Variants in PHYKPL observed in about 807,000 individuals in gnomAD.
PHYKPL encodes the protein 5-phosphohydroxy-L-lysine phospho-lyase.
A neutral mutation model predicts 51.3 loss-of-function variants in PHYKPL; 42 were observed. The observed-to-expected ratio is 0.82, with a 90% CI of 0.64 to 1.06. PHYKPL has a LOEUF of 1.06. Ranked by LOEUF, PHYKPL falls within the 50% of genes least tolerant of loss-of-function variation. PHYKPL has a pLI of 0.00. For synonymous variants in PHYKPL, 264 were observed against 236.0 expected (o/e 1.12, Z -1.09); for missense variants, 655 against 586.6 (o/e 1.12, Z -1.20).
rs760765398 is a variant in PHYKPL at position 178,222,436 on chromosome 5, G to A, written c.846C>T (p.Asn282=). 4.2e-5 allele frequency: 68 copies of A among 1,614,142 alleles called. No homozygotes were observed. The highest frequency in any genetic ancestry group is 1.8e-4 in the Admixed American group (11 of 60,012). The part of the protein sequence containing the change: ...DIVTMGKSIG[N]GHPVACVAAT... ...CGGCCACGCAGGCAACAGGGTGGCCGTTGCCAATGGACTTGCCCATGGTGA... is the reference window on the plus strand; with the variant it reads ...CGGCCACGCAGGCAACAGGGTGGCCATTGCCAATGGACTTGCCCATGGTGA... Residue 282 remains asparagine, a synonymous_variant, in exon 8 of 13, where the codon AAC becomes AAT. Transcript: ENST00000308158.
In PHYKPL at chr5:178,224,752, G is replaced by A. The variant is rs757960371; in HGVS notation, c.414-23C>T. On this transcript the variant is annotated intron_variant, in intron 4 of 12. Transcript: ENST00000308158. ...GCACTGGGGAGGAGAAGGGAGGGTA[G>A]GCTCGGGTCCGGGCAGCACCTACTC... is the stretch of plus-strand genomic sequence containing the variant. 3.2e-5 allele frequency: 51 copies of A among 1,593,092 alleles called. No individual in the cohort carries two copies. In the South Asian group the frequency reaches 5.7e-4, roughly 18 times the overall value.
chr5:178,232,045 T>G (rs969555457), intron 1 of PHYKPL: 1 of 1,191,594 alleles, frequency 8.4e-7, no homozygotes, highest in Non-Finnish European at 1.1e-6. Context: ...GTGCTGCCTG[T>G]GAACCGACTC....
chr5:178,207,324 G>C, downstream of PHYKPL: 1 of 1,452,206 alleles, frequency 6.9e-7, no homozygotes. Flanking sequence ...AGCTCTCCAG[G>C]TTGGTCAGAC....
chr5:178,232,664 C>A lies in PHYKPL; in HGVS notation c.-114G>T, dbSNP rs969894166. The A allele has an allele frequency of 1.7e-6, 2 of 1,146,526 alleles. No individual in the cohort carries two copies. Among genetic ancestry groups the A allele is most frequent in the East Asian group, 6.6e-5 (2 of 30,140 alleles). 71.0% of individuals were successfully genotyped at this position (1,146,526 alleles called of 1,614,324 possible). The stretch of plus-strand genomic sequence containing the variant: ...CCTGCCTGGGTCGGGATTTGGGGCT[C>A]AGGTTCGCACTCGGCCCCGCCCCGA... On this transcript the variant is annotated 5_prime_UTR_variant, in exon 1 of 13. It removes the in-frame stop codon of an upstream open reading frame in the 5' UTR. Transcript: ENST00000308158.
Sources: allele counts gnomAD v4.1 joint callset, GRCh38; gene constraint gnomAD v4.1.1; transcripts MANE v1.5; gene names NCBI Gene and HGNC (gene_info 2026-07-23, HGNC 2026-07-21).